Variants in MOB3B observed in about 807,000 individuals in gnomAD.
MOB3B encodes MOB kinase activator 3B, also known as MOB kinase activator-like 2B.
Under a neutral mutation model 18.7 loss-of-function variants are expected in MOB3B, and 7 were observed. That is an observed-to-expected ratio of 0.37 (90% CI 0.21 to 0.70). The LOEUF is 0.70. MOB3B is among the 30% of genes least tolerant of loss of function. The pLI, the probability that MOB3B is intolerant of heterozygous loss-of-function variation, is 0.52. For synonymous variants in MOB3B, 111 were observed against 99.9 expected (o/e 1.11, Z -0.66); for missense variants, 253 against 281.3 (o/e 0.90, Z 0.72).
intron 3 of MOB3B, among the ~76,000 whole-genome samples, chr9:27,340,888 C>G (rs1190190763): frequency 6.6e-6 from 1 of 152,238 alleles, no homozygotes; most frequent in African/African-American, 2.4e-5. Flanking sequence ...CCTTCTCATA[C>G]CCAGCATTTG....
At chr9:27,353,828 C>T (rs1190611417) in intron 3 of MOB3B, among the ~76,000 whole-genome samples, 1 of 152,220 alleles carries the variant, frequency 6.6e-6, no homozygotes, top group African/African-American at 2.4e-5. Context: ...AATGATAATT[C>T]TGATTAGCTT....
intron 1 of MOB3B, among the ~76,000 whole-genome samples, chr9:27,496,506 T>G (rs1317204550): frequency 6.6e-6 from 1 of 152,238 alleles, no homozygotes; most frequent in African/African-American, 2.4e-5. Context: ...ACTTCTAAAC[T>G]TCTCCAGGTA....
At chr9:27,428,689 A>G (rs1822373598) in intron 2 of MOB3B, among the ~76,000 whole-genome samples, 1 of 152,258 alleles carries the variant, frequency 6.6e-6, no homozygotes, top group South Asian at 2.1e-4. Flanking sequence ...GCTGCAGGGC[A>G]TATCTAAAAT....
chr9:27,390,723 C>A (rs894385433), intron 2 of MOB3B, among the ~76,000 whole-genome samples: 1 of 152,106 alleles, frequency 6.6e-6, no homozygotes. Context: ...TCAGAGGGTG[C>A]AATGGACTGA....
chr9:27,399,443 T>G (rs1442609083), intron 2 of MOB3B, among the ~76,000 whole-genome samples: 4 of 152,212 alleles, frequency 2.6e-5, no homozygotes, highest in Non-Finnish European at 4.4e-5. Context: ...GTGAGCATCC[T>G]GTACTCAGCT....
intron 2 of MOB3B, among the ~76,000 whole-genome samples, chr9:27,404,902 T>A (rs923070591): frequency 6.6e-6 from 1 of 152,114 alleles, no homozygotes; most frequent in Non-Finnish European, 1.5e-5. Context: ...GGTTCCCTTT[T>A]CTCCACATCC....
At chr9:27,369,127 A>T (rs1031447796) in intron 2 of MOB3B, among the ~76,000 whole-genome samples, 3 of 152,196 alleles carry the variant, frequency 2.0e-5, no homozygotes, top group African/African-American at 7.2e-5. Context: ...AATGAACTTC[A>T]TTGGTTCTGG....
At chr9:27,483,381 C>T (rs1351892118) in intron 1 of MOB3B, among the ~76,000 whole-genome samples, 1 of 152,162 alleles carries the variant, frequency 6.6e-6, no homozygotes, top group Non-Finnish European at 1.5e-5. Flanking sequence ...ATCCGCCCGC[C>T]TCGGCCTCCC....
rs74522875 is a variant in MOB3B at position 27,359,088 on chromosome 9, G to A, written c.567C>T (p.Phe189=). The A allele has an allele frequency of 8.8e-4, 1,413 of 1,614,132 alleles. 38 individuals carry two copies. In the East Asian group the frequency reaches 0.031, roughly 35 times the overall value. ...GGTTCATCTCTGTGACAAAGTAATA[G>A]AAGTGTTTGTAGCAGGTGTTGACAT... is the stretch of plus-strand genomic sequence containing the variant. ...EAHVNTCYKH[F]YYFVTEMNLI... Residue 189 remains phenylalanine (F), a synonymous_variant, in exon 3 of 4, where the codon TTC becomes TTT. Transcript: ENST00000262244.
At chr9:27,332,020 G>A (rs1219091245) in intron 3 of MOB3B, among the ~76,000 whole-genome samples, 2 of 151,852 alleles carry the variant, frequency 1.3e-5, no homozygotes, top group African/African-American at 2.4e-5. Context: ...TAATTTTTTC[G>A]ACAGGATCTT....
intron 1 of MOB3B, among the ~76,000 whole-genome samples, chr9:27,477,362 C>A (rs1449615381): frequency 6.6e-6 from 1 of 152,306 alleles, no homozygotes; most frequent in South Asian, 2.1e-4. Context: ...AGAGAGGTTT[C>A]CTTTGCCACC....
chr9:27,378,615 T>C (rs772981424), intron 2 of MOB3B: 4 of 471,114 alleles, frequency 8.5e-6, no homozygotes, highest in South Asian at 6.2e-5. Flanking sequence ...TATCTCACTC[T>C]ATGGCTTTCT....
Position 27,420,545 on chromosome 9 carries a change from T to G in MOB3B, c.418+34588A>C, listed in dbSNP as rs1822228384. Among the ~76,000 whole-genome samples, 5 of 97,364 alleles carry G rather than the reference T, an allele frequency of 5.1e-5. No individual in the cohort carries two copies. The South Asian group carries it at 1.5e-3, about 28-fold the overall frequency. The allele number at this position is 97,364 out of a possible 152,430, so 63.9% of individuals were successfully genotyped here. On this transcript the variant is annotated intron_variant, in intron 2 of 3. Coordinates refer to ENST00000262244, the MANE Select transcript of MOB3B (RefSeq NM_024761.5). ...TCCATCTATATATTCCATCTGTATA[T>G]TCCATATATATATATATATATATAT...
At chr9:27,415,849 G>T (rs756029371) in intron 2 of MOB3B, among the ~76,000 whole-genome samples, 3 of 152,112 alleles carry the variant, frequency 2.0e-5, no homozygotes, top group Non-Finnish European at 2.9e-5. Context: ...ATCACATCTG[G>T]TTCTAAACTG....
intron 3 of MOB3B, among the ~76,000 whole-genome samples, chr9:27,340,194 G>C (rs1040530615): frequency 5.9e-5 from 9 of 152,168 alleles, no homozygotes; most frequent in African/African-American, 2.2e-4. Context: ...CACGATGGAG[G>C]GGTGCGTGTG....
At chr9:27,492,808 G>C (rs936676854) in intron 1 of MOB3B, among the ~76,000 whole-genome samples, 3 of 152,180 alleles carry the variant, frequency 2.0e-5, no homozygotes, top group African/African-American at 7.2e-5. Context: ...AGTCTGTGTG[G>C]GTACTGCAGG....
intron 1 of MOB3B, among the ~76,000 whole-genome samples, chr9:27,481,715 T>C (rs1819659459): frequency 6.6e-6 from 1 of 151,782 alleles, no homozygotes; most frequent in Admixed American, 6.6e-5. Context: ...TTAGTAGAGA[T>C]GGGGTTTCAC....
At chr9:27,464,399 A>G (rs916146782) in intron 1 of MOB3B, among the ~76,000 whole-genome samples, 7 of 152,186 alleles carry the variant, frequency 4.6e-5, no homozygotes, top group African/African-American at 7.2e-5. Context: ...ACTTACCCTA[A>G]TATTTTGAGG....
At position 27,327,740 on chromosome 9, in the gene MOB3B, G is replaced by A. The variant is rs1441414002; in HGVS notation, c.*2847C>T. The A allele has an allele frequency of 2.0e-5, 3 of 152,128 alleles. No homozygotes were observed. Among genetic ancestry groups the A allele is most frequent in the Non-Finnish European group, 4.4e-5 (3 of 68,024 alleles). 9.4% of individuals were successfully genotyped at this position (152,128 alleles called of 1,614,324 possible). On this transcript the variant is annotated 3_prime_UTR_variant, in exon 4 of 4. Transcript: ENST00000262244. ...ATAAAGGATATTTTGGGGACAACTG[G>A]AGAATTTTGAATATGGATCATATAT...
Sources: gnomAD v4.1 joint callset for allele counts (sites outside exome capture counted in the v4.1 genomes callset) on GRCh38, gnomAD v4.1.1 for gene constraint, MANE v1.5 for transcripts, NCBI Gene and HGNC (gene_info 2026-07-23, HGNC 2026-07-21) for gene names.